BRIP1: variants seen among roughly 807,000 people sequenced by gnomAD.
BRIP1 encodes BRCA1 interacting DNA helicase 1, also known as Fanconi anemia group J protein.
BRIP1 carries 88 observed loss-of-function variants against 119.7 expected under a neutral mutation model. The observed-to-expected ratio is 0.74, with a 90% CI of 0.62 to 0.88. BRIP1 has a LOEUF of 0.88. Ranked by LOEUF, BRIP1 falls within the 40% of genes least tolerant of loss-of-function variation. BRIP1 has a pLI of 0.00. For missense variants in BRIP1, 1,259 were observed against 1,455.4 expected, an observed-to-expected ratio of 0.87 and a Z score of 2.20; for synonymous variants, 443 against 496.5, an observed-to-expected ratio of 0.89 and a Z score of 1.43.
At position 61,755,176 on chromosome 17, in the gene BRIP1, A is replaced by C. The variant is rs1485385293; in HGVS notation, c.2098-10585T>G. ...TTTGAATGAATTTTATAAATGAATG[A>C]AAAATGAAGGTCCAAAACAATGGAA... On this transcript the variant is annotated intron_variant, in intron 14 of 19. Transcript: ENST00000259008. This position sits in a 1 kb window ranked among gnomAD's most constrained non-coding sequence, Gnocchi z 4.5. Among the ~76,000 whole-genome samples the C allele has an allele frequency of 6.6e-6, 1 of 152,202 alleles. No individual in the cohort carries two copies. The highest frequency in any genetic ancestry group is 2.4e-5 in the African/African-American group (1 of 41,444).
At chr17:61,837,825 G>C (rs1250218424) in intron 6 of BRIP1, among the ~76,000 whole-genome samples, 2 of 152,032 alleles carry the variant, frequency 1.3e-5, no homozygotes, top group Admixed American at 6.5e-5. Context: ...GGATCAAGCA[G>C]GGGACACCAG....
Position 61,700,771 on chromosome 17 carries a change from C to A in BRIP1, c.2493-7259G>T, listed in dbSNP as rs2061602147. Among the ~76,000 whole-genome samples the A allele has an allele frequency of 6.6e-6, 1 of 152,124 alleles. No homozygotes were observed. The highest frequency in any genetic ancestry group is 6.6e-5 in the Admixed American group (1 of 15,264). On this transcript the variant is annotated intron_variant, in intron 17 of 19. Coordinates refer to ENST00000259008, the MANE Select transcript of BRIP1 (RefSeq NM_032043.3). This position sits in a 1 kb window ranked among gnomAD's most constrained non-coding sequence, Gnocchi z 4.1. Reference sequence around the variant, plus strand: ...TTTTCTCTCCTCTCCTTCTGGGACTCCAAATATGCATATGTTGGTACGCTT... The same window carrying A: ...TTTTCTCTCCTCTCCTTCTGGGACTACAAATATGCATATGTTGGTACGCTT...
chr17:61,710,265 G>C lies in BRIP1; in HGVS notation c.2492+5686C>G, dbSNP rs181206777. 6.6e-6 allele frequency among the ~76,000 whole-genome samples: 1 copy of C among 152,062 alleles called. No homozygotes were observed. Among genetic ancestry groups the C allele is most frequent in the Non-Finnish European group, 1.5e-5 (1 of 68,014 alleles). On this transcript the variant is annotated intron_variant, in intron 17 of 19. Transcript: ENST00000259008. The surrounding 1 kb of genome is among the most constrained non-coding windows in gnomAD (Gnocchi z 5.4). ...GAAAGCATGTTTTGAAGCTCTAAAAGCTCTCTGGGCAATGTTGTATGGCAG... is the reference window on the plus strand; with the variant it reads ...GAAAGCATGTTTTGAAGCTCTAAAACCTCTCTGGGCAATGTTGTATGGCAG...
At position 61,743,153 on chromosome 17, in the gene BRIP1, G is replaced by A. The variant is rs1057524575; in HGVS notation, c.2258-19C>T. ...GCTCCATCTTAAACAACAGAAAAAA[G>A]CATATCCAAAATTCTCAGAAATTGC... On this transcript the variant is annotated intron_variant, in intron 15 of 19. Coordinates refer to ENST00000259008, the MANE Select transcript of BRIP1 (RefSeq NM_032043.3). This position sits in a 1 kb window ranked among gnomAD's most constrained non-coding sequence, Gnocchi z 4.3. The A allele has an allele frequency of 1.2e-6, 2 of 1,613,112 alleles. No individual in the cohort carries two copies. The highest frequency in any genetic ancestry group is 2.2e-5 in the East Asian group (1 of 44,802).
chr17:61,752,927 G>A lies in BRIP1; in HGVS notation c.2098-8336C>T, dbSNP rs2077151064. On this transcript the variant is annotated intron_variant, in intron 14 of 19. Coordinates refer to ENST00000259008, the MANE Select transcript of BRIP1 (RefSeq NM_032043.3). This position sits in a 1 kb window ranked among gnomAD's most constrained non-coding sequence, Gnocchi z 6.2. The stretch of plus-strand genomic sequence containing the variant: ...CAAATATGATTACAGTACCTGCTAT[G>A]TTTTGAACATTTGTCCTCTCCAAAA... 6.6e-6 allele frequency among the ~76,000 whole-genome samples: 1 copy of A among 152,162 alleles called. No individual in the cohort carries two copies. The highest frequency in any genetic ancestry group is 2.4e-5 in the African/African-American group (1 of 41,450).
intron 6 of BRIP1, among the ~76,000 whole-genome samples, chr17:61,818,948 G>C (rs921239881): frequency 3.9e-5 from 6 of 152,064 alleles, no homozygotes; most frequent in African/African-American, 1.4e-4. Flanking sequence ...CACTTTGGGA[G>C]GCCGAGGGGG....
At chr17:61,819,438 T>C (rs2078288214) in intron 6 of BRIP1, among the ~76,000 whole-genome samples, 1 of 152,188 alleles carries the variant, frequency 6.6e-6, no homozygotes, top group Non-Finnish European at 1.5e-5. Context: ...CTCATGTTTA[T>C]TGCAGCATTA....
At position 61,755,521 on chromosome 17, in the gene BRIP1, C is replaced by T. The variant is rs183232213; in HGVS notation, c.2098-10930G>A. Among the ~76,000 whole-genome samples, 18 of 151,988 alleles carry T rather than the reference C, an allele frequency of 1.2e-4. No individual in the cohort carries two copies. The highest frequency in any genetic ancestry group is 2.2e-4 in the Non-Finnish European group (15 of 67,974). On this transcript the variant is annotated intron_variant, in intron 14 of 19. Transcript: ENST00000259008. This position sits in a 1 kb window ranked among gnomAD's most constrained non-coding sequence, Gnocchi z 4.5. ...CTGCACTGAGCTGTGATCATGCCAC[C>T]GTACTCCAGCCTGGGTGATAGAGTG... is the stretch of plus-strand genomic sequence containing the variant.
In BRIP1 at chr17:61,798,382, T is replaced by C. The variant is rs1360559152; in HGVS notation, c.1340+718A>G. Reference sequence around the variant, plus strand: ...TTGGTTCATAAATGAGTAATATGCATTGAATGATAAACTTGTTTAGGAGAA... The same window carrying C: ...TTGGTTCATAAATGAGTAATATGCACTGAATGATAAACTTGTTTAGGAGAA... On this transcript the variant is annotated intron_variant, in intron 9 of 19. Transcript: ENST00000259008. This position sits in a 1 kb window ranked among gnomAD's most constrained non-coding sequence, Gnocchi z 5.5. Among the ~76,000 whole-genome samples, 1 of 151,992 alleles carries C rather than the reference T, an allele frequency of 6.6e-6. No homozygotes were observed. The highest frequency in any genetic ancestry group is 1.5e-5 in the Non-Finnish European group (1 of 67,904).
rs1458743092 is a variant in BRIP1, at chr17:61,681,665, G to GA, written c.*1630dup. 1.0e-5 allele frequency: 2 copies of GA among 198,194 alleles called. No individual in the cohort carries two copies. The highest frequency in any genetic ancestry group is 4.6e-5 in the African/African-American group (2 of 43,302). The allele number at this position is 198,194 out of a possible 1,614,324, so 12.3% of individuals were successfully genotyped here. A position where few individuals can be genotyped will look rare whatever the true frequency, so the allele number is the denominator to read the frequency against. On this transcript the variant is annotated 3_prime_UTR_variant, in exon 20 of 20. Transcript: ENST00000259008. This position sits in a 1 kb window ranked among gnomAD's most constrained non-coding sequence, Gnocchi z 5.1. ...GTATTTACTGCTCAATGATCAACTA[G>GA]AAAAAATATATAATACTAGATGGGA...
At chr17:61,800,650 GA>G (rs1425722949) in intron 8 of BRIP1, among the ~76,000 whole-genome samples, 2 of 152,148 alleles carry the variant, frequency 1.3e-5, no homozygotes, top group Non-Finnish European at 2.9e-5. Context: ...CAGTGTCTCA[GA>G]AGGAAGAGAT....
chr17:61,858,311 T>C (rs1180359459), intron 3 of BRIP1, among the ~76,000 whole-genome samples: 2 of 152,184 alleles, frequency 1.3e-5, no homozygotes, highest in Non-Finnish European at 2.9e-5. Flanking sequence ...ATAAACTCAT[T>C]TTTCCCAAAA....
In BRIP1 at chr17:61,706,287, C is replaced by G. The variant is rs748242441; in HGVS notation, c.2492+9664G>C. Among the ~76,000 whole-genome samples, 1 of 152,092 alleles carries G rather than the reference C, an allele frequency of 6.6e-6. No individual in the cohort carries two copies. The highest frequency in any genetic ancestry group is 2.1e-4 in the South Asian group (1 of 4,832). On this transcript the variant is annotated intron_variant, in intron 17 of 19. Transcript: ENST00000259008. The surrounding 1 kb of genome is among the most constrained non-coding windows in gnomAD (Gnocchi z 5.7). ...TTCTTAATCTACCTGCTAGTGTTGA[C>G]TTTTCAGAGTTCTCAAACAGCTACT...
intron 16 of BRIP1, among the ~76,000 whole-genome samples, chr17:61,723,142 A>G (rs1313568373): frequency 6.6e-6 from 1 of 152,246 alleles, no homozygotes; most frequent in Non-Finnish European, 1.5e-5. Context: ...ATGACATCAG[A>G]ATCTATTTCA....
intron 7 of BRIP1, among the ~76,000 whole-genome samples, chr17:61,801,891 T>C (rs79511122): frequency 6.6e-6 from 1 of 152,172 alleles, no homozygotes; most frequent in Non-Finnish European, 1.5e-5. Flanking sequence ...TTTTTCTCTG[T>C]AGACCCTTTT....
intron 17 of BRIP1, among the ~76,000 whole-genome samples, chr17:61,698,954 C>T (rs575279826): frequency 9.2e-5 from 14 of 152,146 alleles, no homozygotes; most frequent in East Asian, 1.9e-4. Context: ...TAAGCTCAAG[C>T]GATCTGCCCA....
chr17:61,860,871 A>C lies in BRIP1; in HGVS notation c.93+576T>G, dbSNP rs144924661. Among the ~76,000 whole-genome samples, 1,164 of 152,330 alleles carry C rather than the reference A, an allele frequency of 7.6e-3. 10 individuals carry two copies. Among genetic ancestry groups the C allele is most frequent in the African/African-American group, 0.025 (1,054 of 41,568 alleles). On this transcript the variant is annotated intron_variant, in intron 2 of 19. Coordinates refer to ENST00000259008, the MANE Select transcript of BRIP1 (RefSeq NM_032043.3). The surrounding 1 kb of genome is among the most constrained non-coding windows in gnomAD (Gnocchi z 4.1). The stretch of plus-strand genomic sequence containing the variant: ...GTTAAAAAACTCAAGTTCTGCATAA[A>C]AAGTAAGGTACCGTATCACATCAAT...
At chr17:61,837,654 T>A (rs1271432784) in intron 6 of BRIP1, among the ~76,000 whole-genome samples, 1 of 152,088 alleles carries the variant, frequency 6.6e-6, no homozygotes, top group African/African-American at 2.4e-5. Context: ...GAGAAAATGA[T>A]TATGAATGAT....
At chr17:61,839,914 A>G (rs1290357417) in intron 6 of BRIP1, among the ~76,000 whole-genome samples, 1 of 152,258 alleles carries the variant, frequency 6.6e-6, no homozygotes, top group East Asian at 1.9e-4. Context: ...AATGATCAAC[A>G]TATATCAGCA....
Sources: gnomAD v4.1 joint callset for allele counts (sites outside exome capture counted in the v4.1 genomes callset) on GRCh38, gnomAD v4.1.1 for gene constraint, Gnocchi (gnomAD v3.1) non-coding constraint, MANE v1.5 for transcripts, NCBI Gene and HGNC (gene_info 2026-07-23, HGNC 2026-07-21) for gene names.